Variants in MED27 observed in about 807,000 individuals in gnomAD.
MED27 encodes mediator complex subunit 27, also known as mediator of RNA polymerase II transcription subunit 27.
A neutral mutation model predicts 38.2 loss-of-function variants in MED27; 30 were observed. That is an observed-to-expected ratio of 0.79 (90% CI 0.59 to 1.07). The LOEUF (loss-of-function observed/expected upper bound fraction) is 1.07, where lower values mean the gene tolerates loss of function less well. Ranked by LOEUF, MED27 falls within the 50% of genes least tolerant of loss-of-function variation. The pLI is 0.00. For synonymous variants in MED27, 122 were observed against 153.5 expected, an observed-to-expected ratio of 0.79 and a Z score of 1.52; for missense variants, 289 against 397.5, an observed-to-expected ratio of 0.73 and a Z score of 2.32.
chr9:132,025,304 T>C (rs1456539180), intron 2 of MED27, among the ~76,000 whole-genome samples: 1 of 152,032 alleles, frequency 6.6e-6, no homozygotes, highest in Non-Finnish European at 1.5e-5. Context: ...TGGCTCAGCC[T>C]CGCGAGTTGC....
chr9:131,975,679 A>C (rs1831589656), intron 3 of MED27, among the ~76,000 whole-genome samples: 1 of 152,208 alleles, frequency 6.6e-6, no homozygotes, highest in South Asian at 2.1e-4. Context: ...AAGCAGAGTA[A>C]CGCAAATATG....
At chr9:132,031,141 C>T (rs927892291) in intron 2 of MED27, among the ~76,000 whole-genome samples, 1 of 152,230 alleles carries the variant, frequency 6.6e-6, no homozygotes, top group Non-Finnish European at 1.5e-5. Flanking sequence ...CTTTCTTGAA[C>T]ACCCAGATCC....
chr9:132,020,689 C>CA (rs1195994175), intron 2 of MED27, among the ~76,000 whole-genome samples: 3 of 151,926 alleles, frequency 2.0e-5, no homozygotes, highest in African/African-American at 4.8e-5. Context: ...TAACTCCAAG[C>CA]AAAAAACAGG....
rs1052699922 is a variant in MED27 at position 131,996,541 on chromosome 9, G to C, written c.479+17796C>G. 3.9e-5 allele frequency among the ~76,000 whole-genome samples: 6 copies of C among 152,282 alleles called. No homozygotes were observed. In the East Asian group the frequency reaches 9.7e-4, roughly 25 times the overall value. ...GGAGGCCCCACTGGACTCCTGGAGG[G>C]GCAGCTCCTCAAATGTACGTAGTAG... On this transcript the variant is annotated intron_variant, in intron 3 of 7. Coordinates refer to ENST00000292035, the MANE Select transcript of MED27 (RefSeq NM_004269.4).
At chr9:132,069,016 T>C (rs1402202102) in intron 2 of MED27, among the ~76,000 whole-genome samples, 1 of 152,222 alleles carries the variant, frequency 6.6e-6, no homozygotes, top group African/African-American at 2.4e-5. Context: ...CCACCACCAA[T>C]GTGCAATTTT....
chr9:131,969,837 G>C (rs1222334374), intron 3 of MED27, among the ~76,000 whole-genome samples: 2 of 152,180 alleles, frequency 1.3e-5, no homozygotes, highest in Non-Finnish European at 2.9e-5. Flanking sequence ...CTGGAAACCA[G>C]ACAAAGCAGC....
chr9:131,991,769 T>C (rs1371432902), intron 3 of MED27, among the ~76,000 whole-genome samples: 1 of 152,224 alleles, frequency 6.6e-6, no homozygotes, highest in Non-Finnish European at 1.5e-5. Flanking sequence ...TTGCCCAGGC[T>C]GGAGTGCAGT....
chr9:132,067,128 C>A (rs527479943), intron 2 of MED27, among the ~76,000 whole-genome samples: 27 of 152,228 alleles, frequency 1.8e-4, no homozygotes, highest in Non-Finnish European at 3.1e-4. Context: ...ATCGTTAATA[C>A]AAATAATTAC....
At chr9:131,967,537 G>C (rs986791656) in intron 3 of MED27, among the ~76,000 whole-genome samples, 1 of 151,148 alleles carries the variant, frequency 6.6e-6, no homozygotes, top group Non-Finnish European at 1.5e-5. Context: ...TGTTGCCCAG[G>C]CTGGAGTGCA....
intron 2 of MED27, among the ~76,000 whole-genome samples, chr9:132,021,212 A>G (rs964742599): frequency 1.3e-5 from 2 of 152,176 alleles, no homozygotes; most frequent in Admixed American, 1.3e-4. Flanking sequence ...GGTTGTTTAG[A>G]TTGTTCTACT....
chr9:131,988,722 C>T (rs1358969958), intron 3 of MED27, among the ~76,000 whole-genome samples: 2 of 152,154 alleles, frequency 1.3e-5, no homozygotes, highest in Non-Finnish European at 2.9e-5. Context: ...GCTCAACCTT[C>T]CCCCTTTGGC....
At chr9:131,919,917 T>A (rs1368063454) in intron 4 of MED27, among the ~76,000 whole-genome samples, 1 of 151,296 alleles carries the variant, frequency 6.6e-6, no homozygotes, top group Non-Finnish European at 1.5e-5. Context: ...CAGGTGATCC[T>A]CCCATCTTAG....
At chr9:131,993,167 A>G (rs866548059) in intron 3 of MED27, among the ~76,000 whole-genome samples, 4 of 151,948 alleles carry the variant, frequency 2.6e-5, no homozygotes, top group Non-Finnish European at 5.9e-5. Context: ...AGAGTCTACC[A>G]CCGTGCCTTA....
rs932478367 is a variant in MED27 at position 131,964,394 on chromosome 9, G to A, written c.480-24920C>T. On this transcript the variant is annotated intron_variant, in intron 3 of 7. Coordinates refer to ENST00000292035, the MANE Select transcript of MED27 (RefSeq NM_004269.4). ...TAGTAGTGATGGTGATGGTGGTGGT[G>A]ATGCTGGAGGTGATAGTGATGGTGG... 6.4e-3 allele frequency among the ~76,000 whole-genome samples: 818 copies of A among 127,092 alleles called. 5 individuals carry two copies. The highest frequency in any genetic ancestry group is 0.01 in the Non-Finnish European group (581 of 56,218). The allele number at this position is 127,092 out of a possible 152,430, so 83.4% of individuals were successfully genotyped here.
intron 2 of MED27, among the ~76,000 whole-genome samples, chr9:132,019,306 C>T (rs1589269604): frequency 6.6e-6 from 1 of 152,316 alleles, no homozygotes; most frequent in East Asian, 1.9e-4. Context: ...CTGGCAGATT[C>T]ATGGGAATGC....
Position 131,872,661 on chromosome 9 carries a change from C to T in MED27, c.724-9521G>A, listed in dbSNP as rs991169205. ...CCCTCGGTAGAAGAGCGTGGGGAGG[C>T]TGGGGTGGGGCTGGGTGATTCTGCA... On this transcript the variant is annotated intron_variant, in intron 6 of 7. Transcript: ENST00000292035. This position sits in a 1 kb window ranked among gnomAD's most constrained non-coding sequence, Gnocchi z 5.6. Among the ~76,000 whole-genome samples the T allele has an allele frequency of 6.6e-6, 1 of 151,176 alleles. No individual in the cohort carries two copies. The highest frequency in any genetic ancestry group is 2.5e-5 in the African/African-American group (1 of 40,544).
chr9:131,995,461 T>C (rs1003943031), intron 3 of MED27, among the ~76,000 whole-genome samples: 2 of 152,158 alleles, frequency 1.3e-5, no homozygotes, highest in Non-Finnish European at 2.9e-5. Flanking sequence ...AATGGCACTA[T>C]TCCTCAAGGA....
At chr9:132,002,706 G>A (rs1832265134) in intron 3 of MED27, among the ~76,000 whole-genome samples, 1 of 152,104 alleles carries the variant, frequency 6.6e-6, no homozygotes. Flanking sequence ...GAGGTCAGGA[G>A]TTCAAGAGCA....
At chr9:131,930,375 A>C (rs534424422) in intron 4 of MED27, among the ~76,000 whole-genome samples, 73 of 152,326 alleles carry the variant, frequency 4.8e-4, no homozygotes, top group African/African-American at 1.7e-3. Flanking sequence ...AACAGAAAAG[A>C]AACAAATAAC....
Sources: gnomAD v4.1 joint callset for allele counts (sites outside exome capture counted in the v4.1 genomes callset) on GRCh38, gnomAD v4.1.1 for gene constraint, Gnocchi (gnomAD v3.1) non-coding constraint, MANE v1.5 for transcripts, NCBI Gene and HGNC (gene_info 2026-07-23, HGNC 2026-07-21) for gene names.